Variants in PLCL2 observed in about 807,000 individuals in gnomAD.
PLCL2 encodes inactive phospholipase C-like protein 2.
A neutral mutation model predicts 79.6 loss-of-function variants in PLCL2; 4 were observed. The observed-to-expected ratio is 0.05, with a 90% CI of 0.02 to 0.11. The LOEUF is 0.11. Among genes scored for constraint, PLCL2 ranks in the 10% least tolerant of loss-of-function variants. PLCL2 has a pLI of 1.00. For missense variants in PLCL2, 895 were observed against 1,291.0 expected, an observed-to-expected ratio of 0.69 and a Z score of 4.70; for synonymous variants, 484 against 457.7, an observed-to-expected ratio of 1.06 and a Z score of -0.73.
intron 1 of PLCL2, among the ~76,000 whole-genome samples, chr3:16,923,308 C>G (rs955969145): frequency 1.3e-5 from 2 of 152,194 alleles, no homozygotes; most frequent in African/African-American, 4.8e-5. Flanking sequence ...GGTATCACAT[C>G]AGGTGATCTA....
chr3:17,056,003 T>A (rs530305739), intron 4 of PLCL2, among the ~76,000 whole-genome samples: 1 of 152,178 alleles, frequency 6.6e-6, no homozygotes, highest in Non-Finnish European at 1.5e-5. Flanking sequence ...GTACCTGTTC[T>A]GTGATTAAAT....
chr3:17,009,187 G>A lies in PLCL2; in HGVS notation c.328-487G>A, dbSNP rs549743907. On this transcript the variant is annotated intron_variant, in intron 1 of 5. Coordinates refer to ENST00000615277, the MANE Select transcript of PLCL2 (RefSeq NM_001144382.2). The surrounding 1 kb of genome is among the most constrained non-coding windows in gnomAD (Gnocchi z 4.0). ...TTTAGTAGAGACAGGGTTTCAGCAC[G>A]TTGGCCAGGCTGGTCTCAAACTTCT... Among the ~76,000 whole-genome samples, 10 of 151,548 alleles carry A rather than the reference G, an allele frequency of 6.6e-5. No individual in the cohort carries two copies. Among genetic ancestry groups the A allele is most frequent in the Admixed American group, 5.9e-4 (9 of 15,228 alleles).
chr3:16,966,982 A>G (rs1043306987), intron 1 of PLCL2, among the ~76,000 whole-genome samples: 3 of 151,726 alleles, frequency 2.0e-5, no homozygotes, highest in African/African-American at 7.3e-5. Flanking sequence ...ATCCCTCTGT[A>G]CTCAATGTTT....
intron 2 of PLCL2, among the ~76,000 whole-genome samples, chr3:17,014,160 G>C (rs2064357997): frequency 1.3e-5 from 2 of 152,198 alleles, no homozygotes; most frequent in South Asian, 4.1e-4. Context: ...AAGGTCACAG[G>C]TAACCAAGGT....
chr3:17,032,552 T>G (rs2064595238), intron 3 of PLCL2, among the ~76,000 whole-genome samples: 1 of 152,112 alleles, frequency 6.6e-6, no homozygotes, highest in African/African-American at 2.4e-5. Flanking sequence ...TTTCCTTATC[T>G]TTGCTCCTTT....
At chr3:17,045,382 A>G (rs2064769756) in intron 4 of PLCL2, among the ~76,000 whole-genome samples, 1 of 152,218 alleles carries the variant, frequency 6.6e-6, no homozygotes, top group African/African-American at 2.4e-5. Flanking sequence ...CCCAGTTCAG[A>G]AGGGTTCAGG....
At chr3:16,898,920 T>TTG (rs1234528366) in intron 1 of PLCL2, among the ~76,000 whole-genome samples, 1 of 151,704 alleles carries the variant, frequency 6.6e-6, no homozygotes, top group African/African-American at 2.4e-5. Context: ...GTGGCAGGGG[T>TTG]TGGAGGGTGG....
chr3:16,929,699 C>T (rs1697349381), intron 1 of PLCL2, among the ~76,000 whole-genome samples: 1 of 152,160 alleles, frequency 6.6e-6, no homozygotes, highest in South Asian at 2.1e-4. Flanking sequence ...CTCACCATCT[C>T]CAAATCTTGG....
chr3:17,071,232 C>T (rs12330628), intron 5 of PLCL2, among the ~76,000 whole-genome samples: 166 of 152,246 alleles, frequency 1.1e-3, no homozygotes, highest in African/African-American at 3.9e-3. Context: ...CATTGATCAC[C>T]CTGAGAGGAG....
chr3:16,987,714 A>G (rs1334281576), intron 1 of PLCL2, among the ~76,000 whole-genome samples: 1 of 152,190 alleles, frequency 6.6e-6, no homozygotes, highest in Non-Finnish European at 1.5e-5. Flanking sequence ...CAAGCCTAAA[A>G]GTATATTTTA....
At chr3:17,039,201 C>T (rs2064692097) in intron 3 of PLCL2, among the ~76,000 whole-genome samples, 1 of 152,158 alleles carries the variant, frequency 6.6e-6, no homozygotes, top group South Asian at 2.1e-4. Context: ...AGAAAGTGGC[C>T]CCTGCTAGAT....
chr3:16,951,843 C>T (rs1187791290), intron 1 of PLCL2, among the ~76,000 whole-genome samples: 2 of 150,818 alleles, frequency 1.3e-5, no homozygotes, highest in Non-Finnish European at 2.9e-5. Context: ...GTAATTTGGC[C>T]TGTATGTTTT....
intron 3 of PLCL2, among the ~76,000 whole-genome samples, chr3:17,030,948 A>G (rs1219964125): frequency 6.6e-6 from 1 of 152,054 alleles, no homozygotes; most frequent in Non-Finnish European, 1.5e-5. Flanking sequence ...AAGTGGTACT[A>G]TGTTTAATTC....
intron 1 of PLCL2, among the ~76,000 whole-genome samples, chr3:16,997,809 A>T (rs1230278729): frequency 6.6e-6 from 1 of 152,136 alleles, no homozygotes; most frequent in Non-Finnish European, 1.5e-5. Flanking sequence ...AAGTGCTGGG[A>T]TTACAGGCAT....
chr3:17,063,647 C>A (rs1480192427), intron 4 of PLCL2, among the ~76,000 whole-genome samples: 1 of 152,028 alleles, frequency 6.6e-6, no homozygotes, highest in Non-Finnish European at 1.5e-5. Flanking sequence ...TGCTGCCTGT[C>A]CCCACCATTC....
chr3:17,031,838 A>G (rs1349015798), intron 3 of PLCL2, among the ~76,000 whole-genome samples: 2 of 152,002 alleles, frequency 1.3e-5, no homozygotes, highest in Non-Finnish European at 2.9e-5. Flanking sequence ...ACTGGCAGAA[A>G]TTATTATATA....
At chr3:16,989,591 A>G (rs2064083548) in intron 1 of PLCL2, among the ~76,000 whole-genome samples, 1 of 152,132 alleles carries the variant, frequency 6.6e-6, no homozygotes, top group African/African-American at 2.4e-5. Flanking sequence ...TTCTTTTTAG[A>G]TTTGTTAATG....
chr3:17,084,010 C>A (rs1404391114), intron 5 of PLCL2, among the ~76,000 whole-genome samples: 1 of 152,084 alleles, frequency 6.6e-6, no homozygotes, highest in Non-Finnish European at 1.5e-5. Flanking sequence ...AAAAGCTAGT[C>A]CTTTGAAAAC....
At chr3:17,066,788 C>A (rs1170474789) in intron 4 of PLCL2, among the ~76,000 whole-genome samples, 1 of 152,082 alleles carries the variant, frequency 6.6e-6, no homozygotes, top group Non-Finnish European at 1.5e-5. Context: ...AACCAACATG[C>A]AGGACACTGT....
Sources: allele counts gnomAD v4.1 joint callset (sites outside exome capture counted in the v4.1 genomes callset), GRCh38; gene constraint gnomAD v4.1.1; non-coding constraint Gnocchi (gnomAD v3.1); transcripts MANE v1.5; gene names NCBI Gene and HGNC (gene_info 2026-07-23, HGNC 2026-07-21).